Variants in XIRP2 observed in about 807,000 individuals in gnomAD.
The protein encoded by XIRP2 is xin actin-binding repeat-containing protein 2.
Under a neutral mutation model 277.0 loss-of-function variants are expected in XIRP2, and 236 were observed. The observed-to-expected ratio is 0.85, with a 90% CI of 0.77 to 0.95. The LOEUF (loss-of-function observed/expected upper bound fraction) is 0.95. Ranked by LOEUF, XIRP2 falls within the 40% of genes least tolerant of loss-of-function variation. XIRP2 has a pLI of 0.00. For synonymous variants in XIRP2, 1,490 were observed against 1,416.5 expected (o/e 1.05, Z -1.17); for missense variants, 4,640 against 4,157.5 (o/e 1.12, Z -3.19).
chr2:167,226,266 C>T (rs1393142938), intron 5 of XIRP2, among the ~76,000 whole-genome samples: 2 of 152,100 alleles, frequency 1.3e-5, no homozygotes, highest in Admixed American at 6.6e-5. Flanking sequence ...CATTTTATTA[C>T]CACTTTTCAA....
intron 3 of XIRP2, among the ~76,000 whole-genome samples, chr2:167,136,693 G>C (rs1287554886): frequency 1.3e-5 from 2 of 152,110 alleles, no homozygotes; most frequent in East Asian, 3.9e-4. Flanking sequence ...GGAAAATACA[G>C]ATCTTATTTA....
rs533193734 is a variant in XIRP2 at position 166,963,269 on chromosome 2, T to C, written c.408+59379T>C. ...ATAGCAGTGGATACATATATGACTA[T>C]TTATATATTTATTTAGCAGTCCTTT... On this transcript the variant is annotated intron_variant, in intron 2 of 10. Coordinates refer to ENST00000409195, the MANE Select transcript of XIRP2 (RefSeq NM_152381.6). Among the ~76,000 whole-genome samples, 19 of 151,508 alleles carry C rather than the reference T, an allele frequency of 1.3e-4. No individual in the cohort carries two copies. In the East Asian group the frequency reaches 3.3e-3, roughly 27 times the overall value.
intron 9 of XIRP2, among the ~76,000 whole-genome samples, chr2:167,253,445 C>A (rs1695572199): frequency 1.3e-5 from 2 of 151,786 alleles, no homozygotes; most frequent in South Asian, 4.1e-4. Flanking sequence ...TCAGGAGTCT[C>A]ATTGCATTAC....
intron 2 of XIRP2, among the ~76,000 whole-genome samples, chr2:167,093,811 T>C (rs1231734756): frequency 2.0e-5 from 3 of 152,164 alleles, no homozygotes; most frequent in African/African-American, 7.2e-5. Context: ...GAATGATTTA[T>C]AATCCTTTGG....
At chr2:167,221,709 T>C (rs1210464199) in intron 5 of XIRP2, among the ~76,000 whole-genome samples, 1 of 152,198 alleles carries the variant, frequency 6.6e-6, no homozygotes, top group East Asian at 1.9e-4. Flanking sequence ...GTTTATTCTG[T>C]CTTTACCTAA....
Position 167,242,746 on chromosome 2 carries a change from T to G in XIRP2, c.1354T>G (p.Phe452Val). Reference sequence around the variant, plus strand: ...TACTTCTTCAGGAATGACAGAAGAATTTCCTCCTCCCCCACCTGACGTACT... The same window carrying G: ...TACTTCTTCAGGAATGACAGAAGAAGTTCCTCCTCCCCCACCTGACGTACT... ...NATSSGMTEEFPPPPPDVLQT... is the reference protein window; with the variant it reads ...NATSSGMTEEVPPPPPDVLQT... The change falls in exon 9 of 11, where the codon TTT becomes GTT. Residue 452 changes from phenylalanine (F) to valine (V), a missense_variant. Physicochemically the swap from Phe to Val is conservative, Grantham distance 50. Coordinates refer to ENST00000409195, the MANE Select transcript of XIRP2 (RefSeq NM_152381.6). The G allele has an allele frequency of 6.2e-7, 1 of 1,613,998 alleles. No homozygotes were observed. Among genetic ancestry groups the G allele is most frequent in the South Asian group, 1.1e-5 (1 of 91,080 alleles).
intron 5 of XIRP2, among the ~76,000 whole-genome samples, chr2:167,223,175 G>A (rs1159328925): frequency 6.6e-6 from 1 of 151,676 alleles, no homozygotes; most frequent in East Asian, 1.9e-4. Flanking sequence ...GTATTATTTT[G>A]TGAAGCCCCA....
At chr2:167,037,968 A>G (rs1170073357) in intron 2 of XIRP2, among the ~76,000 whole-genome samples, 1 of 152,022 alleles carries the variant, frequency 6.6e-6, no homozygotes, top group African/African-American at 2.4e-5. Context: ...ATGTCAGAAA[A>G]AAGGCAAGAA....
chr2:167,187,280 C>T lies in XIRP2; in HGVS notation c.563-23455C>T, dbSNP rs1037236726. The T allele has an allele frequency of 2.8e-5, 28 of 985,226 alleles. No homozygotes were observed. In the Admixed American group the frequency reaches 1.3e-3, roughly 45 times the overall value. The allele number at this position is 985,226 out of a possible 1,614,324, so 61.0% of individuals were successfully genotyped here. Reference sequence around the variant, plus strand: ...AAAAGAGTGGTTGACTCAGGCCCCACCTATACAGAGCTCAGTTCCTAAAAA... The same window carrying T: ...AAAAGAGTGGTTGACTCAGGCCCCATCTATACAGAGCTCAGTTCCTAAAAA... On this transcript the variant is annotated intron_variant, in intron 3 of 10. Coordinates refer to ENST00000409195, the MANE Select transcript of XIRP2 (RefSeq NM_152381.6).
chr2:167,201,249 A>AG lies in XIRP2; in HGVS notation c.563-9485dup, dbSNP rs1491532181. Among the ~76,000 whole-genome samples the AG allele has an allele frequency of 6.3e-3, 623 of 99,436 alleles. 12 individuals are homozygous for AG. The highest frequency in any genetic ancestry group is 0.023 in the African/African-American group (352 of 15,540). 65.2% of individuals were successfully genotyped at this position (99,436 alleles called of 152,430 possible). ...AAGAAAGAAAGAAAGAAAGAAAGAA[A>AG]GAAAGAAAGAAAGAGAGAGGGAGAA... is the stretch of plus-strand genomic sequence containing the variant. On this transcript the variant is annotated intron_variant, in intron 3 of 10. Transcript: ENST00000409195.
At chr2:167,036,512 A>G (rs577322059) in intron 2 of XIRP2, among the ~76,000 whole-genome samples, 1 of 152,004 alleles carries the variant, frequency 6.6e-6, no homozygotes, top group African/African-American at 2.4e-5. Flanking sequence ...GGCTGTATTT[A>G]CCCAATACCT....
At chr2:167,006,272 CT>C (rs1224898152) in intron 2 of XIRP2, among the ~76,000 whole-genome samples, 1 of 151,492 alleles carries the variant, frequency 6.6e-6, no homozygotes, top group Non-Finnish European at 1.5e-5. Flanking sequence ...TTTATCCCCC[CT>C]AGGAGTTAGA....
chr2:167,080,018 C>T (rs893306744), intron 2 of XIRP2, among the ~76,000 whole-genome samples: 7 of 150,700 alleles, frequency 4.6e-5, no homozygotes, highest in Non-Finnish European at 5.9e-5. Flanking sequence ...GGGCATTTAT[C>T]CAAACATAAA....
intron 2 of XIRP2, among the ~76,000 whole-genome samples, chr2:166,983,526 CACTT>C (rs994014784): frequency 3.9e-4 from 60 of 152,254 alleles, no homozygotes; most frequent in African/African-American, 1.4e-3. Context: ...ATGCTATAGA[CACTT>C]AATTCTGTTT....
intron 2 of XIRP2, among the ~76,000 whole-genome samples, chr2:167,008,409 A>C (rs1393504766): frequency 2.6e-5 from 4 of 151,610 alleles, no homozygotes; most frequent in African/African-American, 9.7e-5. Context: ...TAAAGAAGCT[A>C]TAATGTGATG....
rs776954461 is a variant in XIRP2, at chr2:167,246,920, C to G, written c.5528C>G (p.Ser1843Ter). Reference protein sequence around the residue: ...KEEIIKGDLTSTLNSLSQAVN... With the variant: ...KEEIIKGDLT The stretch of plus-strand genomic sequence containing the variant: ...GAGATTATAAAAGGTGATTTGACAT[C>G]AACCCTAAATTCCCTCAGCCAGGCT... The change falls in exon 9 of 11, where the codon TCA becomes TGA. Residue 1843 changes from serine (S) to a stop codon, truncating the protein, a stop_gained. Transcript: ENST00000409195. LOFTEE classifies it high-confidence loss of function. 6.2e-7 allele frequency: 1 copy of G among 1,613,106 alleles called. No individual in the cohort carries two copies. The highest frequency in any genetic ancestry group is 1.3e-5 in the African/African-American group (1 of 74,830).
chr2:167,148,141 G>A (rs1397967019), intron 3 of XIRP2, among the ~76,000 whole-genome samples: 1 of 152,144 alleles, frequency 6.6e-6, no homozygotes, highest in East Asian at 2.0e-4. Context: ...CAGCACTTTG[G>A]GAGGTCGAGG....
chr2:167,155,862 C>G (rs1431259763), intron 3 of XIRP2, among the ~76,000 whole-genome samples: 1 of 151,470 alleles, frequency 6.6e-6, no homozygotes, highest in African/African-American at 2.4e-5. Flanking sequence ...TGTCTCAGCC[C>G]AAAATCTCCT....
At chr2:167,215,015 G>T (rs1694201860) in intron 4 of XIRP2, among the ~76,000 whole-genome samples, 2 of 152,174 alleles carry the variant, frequency 1.3e-5, no homozygotes, top group African/African-American at 4.8e-5. Context: ...ACATGATTGG[G>T]ACATCAGAAT....
Sources: gnomAD v4.1 joint callset for allele counts (sites outside exome capture counted in the v4.1 genomes callset) on GRCh38, gnomAD v4.1.1 for gene constraint, MANE v1.5 for transcripts, NCBI Gene and HGNC (gene_info 2026-07-23, HGNC 2026-07-21) for gene names.